MAN1C1: variants seen among roughly 807,000 people sequenced by gnomAD.
The protein encoded by MAN1C1 is mannosyl-oligosaccharide 1,2-alpha-mannosidase IC.
In MAN1C1, 49 loss-of-function variants were observed where a neutral mutation model predicts 71.5. The observed-to-expected ratio is 0.69, with a 90% CI of 0.54 to 0.87. The LOEUF is 0.87. Among genes scored for constraint, MAN1C1 ranks in the 40% least tolerant of loss-of-function variants. The pLI is 0.00. For missense variants in MAN1C1, 743 were observed against 835.0 expected, an observed-to-expected ratio of 0.89 and a Z score of 1.36; for synonymous variants, 352 against 343.7, an observed-to-expected ratio of 1.02 and a Z score of -0.27.
chr1:25,703,480 G>A (rs1036215807), intron 2 of MAN1C1, among the ~76,000 whole-genome samples: 3 of 152,088 alleles, frequency 2.0e-5, no homozygotes, highest in African/African-American at 4.8e-5. Flanking sequence ...TCGGGAGTTC[G>A]AGACCAGCCT....
chr1:25,742,069 C>G (rs1431468862), intron 2 of MAN1C1, among the ~76,000 whole-genome samples: 1 of 152,160 alleles, frequency 6.6e-6, no homozygotes, highest in African/African-American at 2.4e-5. Context: ...TGTGGGCACT[C>G]TCAGGGCAAG....
intron 5 of MAN1C1, among the ~76,000 whole-genome samples, chr1:25,757,865 G>A (rs901245612): frequency 6.6e-6 from 1 of 152,262 alleles, no homozygotes; most frequent in African/African-American, 2.4e-5. Context: ...TCAAATTACT[G>A]TGTGATCTCA....
chr1:25,729,012 C>T (rs373204862), intron 2 of MAN1C1, among the ~76,000 whole-genome samples: 1 of 152,236 alleles, frequency 6.6e-6, no homozygotes, highest in African/African-American at 2.4e-5. Flanking sequence ...CCAGCCTTCT[C>T]GGCAGCCTCT....
At chr1:25,623,681 G>A (rs560590046) in intron 1 of MAN1C1, among the ~76,000 whole-genome samples, 3 of 152,296 alleles carry the variant, frequency 2.0e-5, no homozygotes, top group East Asian at 3.9e-4. Flanking sequence ...CCTGTGTAGG[G>A]AAGCTGCTTG....
In MAN1C1 at chr1:25,716,012, C is replaced by T. The variant is rs372222539; in HGVS notation, c.637+29476C>T. On this transcript the variant is annotated intron_variant, in intron 2 of 11. Transcript: ENST00000374332. ...AAATTGCTGCTGTGGCTCCAGTCAT[C>T]GTGTCCACATTCCAGCCAGCAGGAA... Among the ~76,000 whole-genome samples, 12 of 152,246 alleles carry T rather than the reference C, an allele frequency of 7.9e-5. No homozygotes were observed. In the East Asian group the frequency reaches 1.9e-3, roughly 24 times the overall value.
intron 1 of MAN1C1, among the ~76,000 whole-genome samples, chr1:25,620,626 T>C (rs1440256585): frequency 6.6e-6 from 1 of 152,208 alleles, no homozygotes; most frequent in Non-Finnish European, 1.5e-5. Context: ...GGACTGTTGC[T>C]TTCCTCCCTG....
intron 2 of MAN1C1, among the ~76,000 whole-genome samples, chr1:25,718,724 GT>G (rs1048908930): frequency 5.3e-4 from 80 of 152,210 alleles, no homozygotes; most frequent in African/African-American, 1.9e-3. Flanking sequence ...CTGAGCATAA[GT>G]TTTTTAAGGT....
chr1:25,640,864 A>T (rs1478628555), intron 1 of MAN1C1, among the ~76,000 whole-genome samples: 1 of 152,244 alleles, frequency 6.6e-6, no homozygotes, highest in Non-Finnish European at 1.5e-5. Context: ...CCAGAAAGGT[A>T]TCAATCCAGA....
chr1:25,641,897 T>C (rs2045543020), intron 1 of MAN1C1, among the ~76,000 whole-genome samples: 1 of 152,172 alleles, frequency 6.6e-6, no homozygotes, highest in African/African-American at 2.4e-5. Flanking sequence ...TTAAGAGAAA[T>C]ATTGAAAACA....
At chr1:25,740,488 G>A (rs1247541944) in intron 2 of MAN1C1, among the ~76,000 whole-genome samples, 2 of 152,172 alleles carry the variant, frequency 1.3e-5, no homozygotes, top group Admixed American at 6.5e-5. Flanking sequence ...CCAGGTTGAA[G>A]TGCAGTGGCG....
At chr1:25,768,074 CT>C (rs144464931) in intron 7 of MAN1C1, among the ~76,000 whole-genome samples, 12,542 of 26,634 alleles carry the variant, frequency 0.47, 4,582 homozygotes, top group East Asian at 0.89. Context: ...CACACACACA[CT>C]CCCCCCCACA....
intron 2 of MAN1C1, among the ~76,000 whole-genome samples, chr1:25,738,457 T>A (rs2047013330): frequency 6.6e-6 from 1 of 152,222 alleles, no homozygotes; most frequent in African/African-American, 2.4e-5. Flanking sequence ...AACATTCCAG[T>A]TGCTATTGCT....
At chr1:25,755,189 G>C (rs190380190) in intron 5 of MAN1C1, among the ~76,000 whole-genome samples, 13 of 152,326 alleles carry the variant, frequency 8.5e-5, no homozygotes, top group African/African-American at 3.1e-4. Context: ...TCCCTGGCAG[G>C]TGTGAGCTGC....
intron 1 of MAN1C1, among the ~76,000 whole-genome samples, chr1:25,652,457 T>C (rs975712948): frequency 6.6e-6 from 1 of 152,188 alleles, no homozygotes; most frequent in Non-Finnish European, 1.5e-5. Context: ...CACCAGCCCT[T>C]CCCACCCCAC....
At chr1:25,741,075 A>C (rs1261037871) in intron 2 of MAN1C1, among the ~76,000 whole-genome samples, 1 of 152,036 alleles carries the variant, frequency 6.6e-6, no homozygotes. Flanking sequence ...GGAGGAAGGC[A>C]TGGGATTGGC....
chr1:25,779,443 C>T lies in MAN1C1; in HGVS notation c.1477+1119C>T, dbSNP rs547751075. Among the ~76,000 whole-genome samples, 1 of 152,254 alleles carries T rather than the reference C, an allele frequency of 6.6e-6. No individual in the cohort carries two copies. The highest frequency in any genetic ancestry group is 1.9e-4 in the East Asian group (1 of 5,162). ...TGAATGGGGTCTCCTGGAGCTGTTTCCAGGAAGTCAGAGATTCGCAATGGG... is the reference window on the plus strand; with the variant it reads ...TGAATGGGGTCTCCTGGAGCTGTTTTCAGGAAGTCAGAGATTCGCAATGGG... On this transcript the variant is annotated intron_variant, in intron 9 of 11. Transcript: ENST00000374332. This position sits in a 1 kb window ranked among gnomAD's most constrained non-coding sequence, Gnocchi z 4.6.
chr1:25,741,503 G>C (rs896818922), intron 2 of MAN1C1, among the ~76,000 whole-genome samples: 1 of 152,198 alleles, frequency 6.6e-6, no homozygotes, highest in African/African-American at 2.4e-5. Flanking sequence ...GACACCCGGA[G>C]ACCAGCCTGG....
Position 25,778,355 on chromosome 1 carries a change from G to A in MAN1C1, c.1477+31G>A. On this transcript the variant is annotated intron_variant, in intron 9 of 11. Transcript: ENST00000374332. The surrounding 1 kb of genome is among the most constrained non-coding windows in gnomAD (Gnocchi z 5.5). Reference sequence around the variant, plus strand: ...CCTGCAAGGGGAAGGGGCAGCAGGAGAGACTGAGGCTAGACACCAGGAAGA... The same window carrying A: ...CCTGCAAGGGGAAGGGGCAGCAGGAAAGACTGAGGCTAGACACCAGGAAGA... 1 of 1,580,206 alleles carries A rather than the reference G, an allele frequency of 6.3e-7. No individual in the cohort carries two copies. The highest frequency in any genetic ancestry group is 8.6e-7 in the Non-Finnish European group (1 of 1,158,632).
chr1:25,766,233 C>T lies in MAN1C1; in HGVS notation c.1141+2266C>T, dbSNP rs76502857. Among the ~76,000 whole-genome samples, 1,366 of 152,236 alleles carry T rather than the reference C, an allele frequency of 9.0e-3. 6 individuals carry two copies. The highest frequency in any genetic ancestry group is 0.015 in the South Asian group (73 of 4,814). On this transcript the variant is annotated intron_variant, in intron 7 of 11. Transcript: ENST00000374332. ...TTCCTATTAATAAAATCTGAGCCCT[C>T]GGCCTGCTAAAGAGCAGAGGGGGTT...
Sources: gnomAD v4.1 joint callset for allele counts (sites outside exome capture counted in the v4.1 genomes callset) on GRCh38, gnomAD v4.1.1 for gene constraint, Gnocchi (gnomAD v3.1) non-coding constraint, MANE v1.5 for transcripts, NCBI Gene and HGNC (gene_info 2026-07-23, HGNC 2026-07-21) for gene names.